TNNI3K: variants seen among roughly 807,000 people sequenced by gnomAD.
The protein encoded by TNNI3K is TNNI3 interacting kinase.
A neutral mutation model predicts 114.5 loss-of-function variants in TNNI3K; 140 were observed. The ratio of observed to expected loss-of-function variants is 1.22; its 90% CI spans 1.07 to 1.41. The LOEUF is 1.41. Among genes scored for constraint, TNNI3K ranks in the 40% most tolerant of loss-of-function variants. TNNI3K has a pLI of 0.00. For synonymous variants in TNNI3K, 347 were observed against 347.5 expected (o/e 1.00, Z 0.02); for missense variants, 1,125 against 1,007.6 (o/e 1.12, Z -1.58).
chr1:74,342,977 C>G lies in TNNI3K; in HGVS notation c.818C>G (p.Pro273Arg). The G allele has an allele frequency of 2.5e-6, 4 of 1,613,800 alleles. No homozygotes were observed. The highest frequency in any genetic ancestry group is 3.4e-6 in the Non-Finnish European group (4 of 1,179,866). ...GTTGTTAATATCTATGGAGATACCC[C>G]CTTACACCTGTGAGTATTATGTAGC... ...PHVVNIYGDT[P>R]LHLACYNGKF... is the part of the protein sequence containing the mutation. The change falls in exon 8 of 25, where the codon CCC becomes CGC. Residue 273 changes from proline to arginine, a missense_variant. Pro to Arg is a moderately radical substitution (Grantham distance 103). Transcript: ENST00000326637.
chr1:74,327,591 T>C (rs1395042475), intron 5 of TNNI3K, among the ~76,000 whole-genome samples: 1 of 146,282 alleles, frequency 6.8e-6, no homozygotes, highest in African/African-American at 2.5e-5. Context: ...ATATCAGTGG[T>C]ATTATTATAT....
rs1228984740 is a variant in TNNI3K, at chr1:74,351,110, G to T, written c.933-2156G>T. On this transcript the variant is annotated intron_variant, in intron 9 of 24. Coordinates refer to ENST00000326637, the MANE Select transcript of TNNI3K (RefSeq NM_015978.3). Reference sequence around the variant, plus strand: ...GTTTTTGCAGTGGCTGGTACCAGTTGTTCCTTTCCATGTTTAGTGCTTCCT... The same window carrying T: ...GTTTTTGCAGTGGCTGGTACCAGTTTTTCCTTTCCATGTTTAGTGCTTCCT... Among the ~76,000 whole-genome samples the T allele has an allele frequency of 2.4e-4, 36 of 151,838 alleles. No individual in the cohort carries two copies. In the East Asian group the frequency reaches 5.8e-3, roughly 24 times the overall value.
chr1:74,539,111 A>C (rs954263474), intron 23 of TNNI3K, among the ~76,000 whole-genome samples: 5 of 152,186 alleles, frequency 3.3e-5, no homozygotes, highest in African/African-American at 1.2e-4. Flanking sequence ...CAAAAGCCCA[A>C]AGAGGAAAAG....
chr1:74,375,859 G>C, intron 17 of TNNI3K: 1 of 257,228 alleles, frequency 3.9e-6, no homozygotes, highest in Non-Finnish European at 8.2e-6. Flanking sequence ...TTCCCGTCTT[G>C]ATAAATCAAA....
chr1:74,383,325 T>G (rs1663301641), intron 17 of TNNI3K, among the ~76,000 whole-genome samples: 1 of 152,104 alleles, frequency 6.6e-6, no homozygotes, highest in Non-Finnish European at 1.5e-5. Context: ...TATTTTGTTT[T>G]CTGGCTTTCT....
chr1:74,513,346 C>A (rs1374858993), intron 23 of TNNI3K, among the ~76,000 whole-genome samples: 1 of 152,138 alleles, frequency 6.6e-6, no homozygotes, highest in African/African-American at 2.4e-5. Context: ...AGAGTGAGTC[C>A]ATGAAATGTT....
At chr1:74,475,471 C>T in intron 21 of TNNI3K, 1 of 716,952 alleles carries the variant, frequency 1.4e-6, no homozygotes, top group Non-Finnish European at 2.6e-6. Flanking sequence ...ACCATCCTGG[C>T]AAAATAAAGT....
intron 24 of TNNI3K, 54 bp downstream of exon 24, chr1:74,540,367 T>A (rs940764190): frequency 6.4e-7 from 1 of 1,553,644 alleles, no homozygotes; most frequent in East Asian, 2.3e-5. Flanking sequence ...AGGAAGGTGA[T>A]GTCTATTTGA....
chr1:74,536,025 A>G (rs913427313), intron 23 of TNNI3K, among the ~76,000 whole-genome samples: 4 of 152,196 alleles, frequency 2.6e-5, no homozygotes, highest in Non-Finnish European at 5.9e-5. Flanking sequence ...CCTAGTAATC[A>G]GTGTTTTTCT....
chr1:74,397,466 G>A (rs976512268), intron 17 of TNNI3K, among the ~76,000 whole-genome samples: 4 of 152,124 alleles, frequency 2.6e-5, no homozygotes, highest in African/African-American at 4.8e-5. Context: ...AGCACCCTAC[G>A]TTAGGTCAGG....
chr1:74,517,109 T>A (rs1646360385), intron 23 of TNNI3K, among the ~76,000 whole-genome samples: 1 of 152,226 alleles, frequency 6.6e-6, no homozygotes, highest in Non-Finnish European at 1.5e-5. Flanking sequence ...TGGTAGATGC[T>A]GTTCATTATT....
At chr1:74,358,717 G>T (rs536531627) in intron 11 of TNNI3K, among the ~76,000 whole-genome samples, 3 of 151,664 alleles carry the variant, frequency 2.0e-5, no homozygotes, top group African/African-American at 7.3e-5. Context: ...TTTTGTTTTC[G>T]TATACTGGTT....
At chr1:74,255,431 TAGCCCTCACTCAAAA>T (rs893921459) in intron 4 of TNNI3K, among the ~76,000 whole-genome samples, 6 of 152,056 alleles carry the variant, frequency 3.9e-5, no homozygotes, top group African/African-American at 1.4e-4. Flanking sequence ...CCTATTTTCC[TAGCCCTCACTCAAAA>T]TGGAGTTGTT....
At chr1:74,393,777 G>A (rs1368176035) in intron 17 of TNNI3K, among the ~76,000 whole-genome samples, 1 of 152,122 alleles carries the variant, frequency 6.6e-6, no homozygotes, top group Non-Finnish European at 1.5e-5. Flanking sequence ...ATAGTTTCAG[G>A]ATGAAACTAT....
intron 23 of TNNI3K, among the ~76,000 whole-genome samples, chr1:74,527,458 G>A (rs146527498): frequency 1.6e-4 from 25 of 152,314 alleles, no homozygotes; most frequent in Non-Finnish European, 2.5e-4. Flanking sequence ...CAAGTCTGCC[G>A]TAAGGAGACT....
chr1:74,432,582 A>G (rs185511057), intron 17 of TNNI3K, among the ~76,000 whole-genome samples: 37 of 152,184 alleles, frequency 2.4e-4, no homozygotes, highest in African/African-American at 8.2e-4. Context: ...TAAAGAGCCT[A>G]TGACATAGCA....
intron 21 of TNNI3K, among the ~76,000 whole-genome samples, chr1:74,472,659 A>T (rs1667995648): frequency 6.6e-6 from 1 of 152,158 alleles, no homozygotes. Context: ...TTTGACAATG[A>T]AAGGGAAATA....
intron 21 of TNNI3K, chr1:74,480,791 T>A (rs1668455327): frequency 1.4e-6 from 1 of 717,570 alleles, no homozygotes; most frequent in East Asian, 2.7e-5. Context: ...TTGGTTGTGC[T>A]CCAGCAACAA....
At chr1:74,363,621 A>G (rs1260792195) in intron 11 of TNNI3K, among the ~76,000 whole-genome samples, 1 of 151,952 alleles carries the variant, frequency 6.6e-6, no homozygotes, top group Non-Finnish European at 1.5e-5. Context: ...TGGGGAAAGC[A>G]TGAGGCCCTC....
Sources: gnomAD v4.1 joint callset for allele counts (sites outside exome capture counted in the v4.1 genomes callset) on GRCh38, gnomAD v4.1.1 for gene constraint, MANE v1.5 for transcripts, NCBI Gene and HGNC (gene_info 2026-07-23, HGNC 2026-07-21) for gene names.